OR4N2: variants seen among roughly 807,000 people sequenced by gnomAD.
OR4N2 encodes the protein olfactory receptor family 4 subfamily N member 2.
For synonymous variants in OR4N2, 141 were observed against 140.4 expected (o/e 1.00, Z -0.03); for missense variants, 307 against 377.6 (o/e 0.81, Z 1.55).
chr14:19,824,935 AG>A (rs1594402017), intron 1 of OR4N2, among the ~76,000 whole-genome samples: 1 of 152,400 alleles, frequency 6.6e-6, no homozygotes, highest in East Asian at 1.9e-4. Context: ...TTTATTGCAC[AG>A]GGGGTCTGCC....
At chr14:19,820,478 C>T (rs1449810438) in intron 1 of OR4N2, among the ~76,000 whole-genome samples, 1 of 152,200 alleles carries the variant, frequency 6.6e-6, no homozygotes, top group Non-Finnish European at 1.5e-5. Context: ...TCTGCTGCTC[C>T]CTTCAGAGAT....
intron 1 of OR4N2, among the ~76,000 whole-genome samples, chr14:19,806,262 T>A (rs1384261154): frequency 2.6e-5 from 4 of 152,146 alleles, no homozygotes. Context: ...AATGCCCTAC[T>A]TAAAAGGCAT....
intron 1 of OR4N2, among the ~76,000 whole-genome samples, chr14:19,806,351 A>G: frequency 6.7e-6 from 1 of 149,930 alleles, no homozygotes; most frequent in East Asian, 1.9e-4. Flanking sequence ...AATGAAACCC[A>G]CAGGGTCAAA....
chr14:19,823,962 G>A (rs1458457670), intron 1 of OR4N2, among the ~76,000 whole-genome samples: 1 of 152,244 alleles, frequency 6.6e-6, no homozygotes, highest in African/African-American at 2.4e-5. Context: ...GTTGCCTGGA[G>A]ATGTTTCTGT....
intron 1 of OR4N2, among the ~76,000 whole-genome samples, chr14:19,815,561 T>A (rs138993109): frequency 0.022 from 3,411 of 151,768 alleles, 30 homozygotes; most frequent in African/African-American, 0.074. Flanking sequence ...TCCCTGTAGA[T>A]GCTGGATATT....
Position 19,827,965 on chromosome 14 carries a change from C to A in OR4N2, c.517C>A (p.Gln173Lys), listed in dbSNP as rs754617847. 1.9e-6 allele frequency: 3 copies of A among 1,614,226 alleles called. No homozygotes were observed. Among genetic ancestry groups the A allele is most frequent in the South Asian group, 2.2e-5 (2 of 91,090 alleles). ...CCGCTTGCCTTTTTGTGGCCCAAAC[C>A]AGCTGGACAACTTCTTCTGTGATGT... ...ILRLPFCGPN[Q>K]LDNFFCDVPQ... Residue 173 changes from glutamine to lysine, a missense_variant, in exon 2 of 2, where the codon CAG becomes AAG. By Grantham distance (53) the Gln-to-Lys change is moderately conservative. Transcript: ENST00000557677.
In OR4N2 at chr14:19,805,837, T is replaced by C. The variant is rs1243911337; in HGVS notation, c.-10+1993T>C. Among the ~76,000 whole-genome samples, 5 of 152,168 alleles carry C rather than the reference T, an allele frequency of 3.3e-5. No homozygotes were observed. In the East Asian group the frequency reaches 5.8e-4, roughly 18 times the overall value. On this transcript the variant is annotated intron_variant, in intron 1 of 1. Coordinates refer to ENST00000557677, the MANE Select transcript of OR4N2 (RefSeq NM_001004723.3). ...AGGGATCTAGAAAGAAAGGTCAGGT[T>C]ATGTACGAAGGGAACCCCATCAGGC...
intron 1 of OR4N2, among the ~76,000 whole-genome samples, chr14:19,813,211 T>G (rs1413822821): frequency 6.6e-6 from 1 of 152,278 alleles, no homozygotes; most frequent in South Asian, 2.1e-4. Context: ...GTTATTCCAC[T>G]TAAGAACGTA....
intron 1 of OR4N2, among the ~76,000 whole-genome samples, chr14:19,822,736 T>C (rs1472606466): frequency 1.2e-4 from 19 of 152,262 alleles, no homozygotes; most frequent in Admixed American, 2.6e-4. Flanking sequence ...GGATTAACTT[T>C]GGTTGAAGTG....
chr14:19,811,331 C>T (rs1170226774), intron 1 of OR4N2, among the ~76,000 whole-genome samples: 1 of 152,258 alleles, frequency 6.6e-6, no homozygotes, highest in Admixed American at 6.5e-5. Context: ...ACTGCAAGTT[C>T]TGCCTCCTGG....
intron 1 of OR4N2, among the ~76,000 whole-genome samples, chr14:19,817,964 G>A (rs1314469638): frequency 1.3e-5 from 2 of 152,254 alleles, no homozygotes; most frequent in Non-Finnish European, 2.9e-5. Context: ...TCATTCAGGA[G>A]CAGGTTGTTC....
intron 1 of OR4N2, among the ~76,000 whole-genome samples, chr14:19,823,058 G>C (rs10132741): frequency 0.28 from 42,155 of 148,696 alleles, 2,993 homozygotes; most frequent in African/African-American, 0.33. Context: ...TTCTGGCTAA[G>C]AATCTATACA....
At chr14:19,812,205 T>A (rs527244737) in intron 1 of OR4N2, among the ~76,000 whole-genome samples, 29 of 152,142 alleles carry the variant, frequency 1.9e-4, no homozygotes, top group Non-Finnish European at 3.8e-4. Flanking sequence ...TTTTTTTATA[T>A]AAAGTGTTAA....
In OR4N2 at chr14:19,803,836, C is replaced by CT. The variant is rs959013772; in HGVS notation, c.-13dup. On this transcript the variant is annotated 5_prime_UTR_variant, in exon 1 of 2. Coordinates refer to ENST00000557677, the MANE Select transcript of OR4N2 (RefSeq NM_001004723.3). ...AGCTGTGAATTCCTGTGATCCTGGG[C>CT]TTTTTCTGGTTGGTAGGCTTTTTAT... is the stretch of plus-strand genomic sequence containing the variant. 3.0e-4 allele frequency: 45 copies of CT among 152,220 alleles called. No individual in the cohort carries two copies. Among genetic ancestry groups the CT allele is most frequent in the Non-Finnish European group, 5.1e-4 (35 of 68,086 alleles). 9.4% of individuals were successfully genotyped at this position (152,220 alleles called of 1,614,324 possible).
At chr14:19,820,078 C>A (rs1296465956) in intron 1 of OR4N2, among the ~76,000 whole-genome samples, 1 of 152,240 alleles carries the variant, frequency 6.6e-6, no homozygotes, top group Non-Finnish European at 1.5e-5. Context: ...CAGAGGGGCA[C>A]CAGCCAGATG....
At chr14:19,807,700 A>C (rs1363725683) in intron 1 of OR4N2, among the ~76,000 whole-genome samples, 6 of 152,210 alleles carry the variant, frequency 3.9e-5, no homozygotes, top group African/African-American at 7.2e-5. Flanking sequence ...ATTCCAAAAA[A>C]TTGAGGAGGA....
At chr14:19,809,422 A>G (rs1447973152) in intron 1 of OR4N2, among the ~76,000 whole-genome samples, 2 of 152,212 alleles carry the variant, frequency 1.3e-5, no homozygotes, top group South Asian at 4.1e-4. Context: ...AACCTACAGA[A>G]TGGGAGAAAA....
chr14:19,827,496 T>C lies in OR4N2; in HGVS notation c.48T>C (p.Gly16=), dbSNP rs546116629. 3 of 1,612,168 alleles carry C rather than the reference T, an allele frequency of 1.9e-6. No individual in the cohort carries two copies. The East Asian group carries it at 6.7e-5, about 36-fold the overall frequency. ...RTVIREFILL[G]LTQSQDIQLL... ...TGATAAGAGAATTCATCCTCCTTGGTCTGACCCAGTCTCAAGATATTCAGC... is the reference window on the plus strand; with the variant it reads ...TGATAAGAGAATTCATCCTCCTTGGCCTGACCCAGTCTCAAGATATTCAGC... Residue 16 remains glycine (G), a synonymous_variant, in exon 2 of 2, where the codon GGT becomes GGC. Coordinates refer to ENST00000557677, the MANE Select transcript of OR4N2 (RefSeq NM_001004723.3).
intron 1 of OR4N2, among the ~76,000 whole-genome samples, chr14:19,814,703 G>A (rs1159906072): frequency 6.6e-6 from 1 of 152,154 alleles, no homozygotes; most frequent in Non-Finnish European, 1.5e-5. Flanking sequence ...TTAAGTTCTG[G>A]GATACATGTG....
Sources: allele counts gnomAD v4.1 joint callset (sites outside exome capture counted in the v4.1 genomes callset), GRCh38; gene constraint gnomAD v4.1.1; transcripts MANE v1.5; gene names NCBI Gene and HGNC (gene_info 2026-07-23, HGNC 2026-07-21).